The following DVL2 variants were observed in gnomAD, a reference collection of about 807,000 sequenced individuals.
DVL2 encodes dishevelled segment polarity protein 2, also known as segment polarity protein dishevelled homolog DVL-2.
In DVL2, 38 loss-of-function variants were observed where a neutral mutation model predicts 69.8. The ratio of observed to expected loss-of-function variants is 0.54; its 90% CI spans 0.42 to 0.71. The LOEUF is 0.71. DVL2 is among the 30% of genes least tolerant of loss of function. The pLI is 0.00. For synonymous variants in DVL2, 428 were observed against 392.4 expected (o/e 1.09, Z -1.07); for missense variants, 931 against 1,008.1 (o/e 0.92, Z 1.04).
intron 9 of DVL2, chr17:7,228,571 TTA>T (rs918236716): frequency 9.1e-5 from 19 of 209,384 alleles, no homozygotes; most frequent in African/African-American, 4.0e-4. Flanking sequence ...ACTTTGAACG[TTA>T]TGTCTTAGCA....
rs779025902 is a variant in DVL2, at chr17:7,227,671, T to C, written c.1215A>G (p.Gly405=). 3.7e-6 allele frequency: 6 copies of C among 1,613,922 alleles called. No individual in the cohort carries two copies. The African/African-American group carries it at 8.0e-5, about 22-fold the overall frequency. Residue 405 remains glycine (G), a synonymous_variant, in exon 11 of 15, where the codon GGA becomes GGG. Transcript: ENST00000005340. ...GCGGCTCACCATCAGGCAAAGACGATCCAGATGTAATGGTGCTCATGGAGG... is the reference window on the plus strand; with the variant it reads ...GCGGCTCACCATCAGGCAAAGACGACCCAGATGTAATGGTGCTCATGGAGG... ...GSSSMSTITS[G]SSLPDGCEGR... is the part of the protein sequence containing the mutation.
chr17:7,226,255 G>C lies in DVL2; in HGVS notation c.1821C>G (p.Pro607=), dbSNP rs749586116. 7 of 1,608,878 alleles carry C rather than the reference G, an allele frequency of 4.4e-6. No homozygotes were observed. In the Admixed American group the frequency reaches 1.2e-4, roughly 27 times the overall value. The change falls in exon 15 of 15, where the codon CCC becomes CCG. Residue 607 remains proline (P), a synonymous_variant. Transcript: ENST00000005340. The part of the protein sequence containing the change: ...SDGGAGRTGR[P]EERAPESKSG... Reference sequence around the variant, plus strand: ...ACTTGGACTCGGGGGCCCGCTCCTCGGGCCTCCCCGTGCGCCCTGCCCCCC... The same window carrying C: ...ACTTGGACTCGGGGGCCCGCTCCTCCGGCCTCCCCGTGCGCCCTGCCCCCC...
intron 13 of DVL2, 77 bp from the exon 14 acceptor site, chr17:7,226,716 T>C (rs972749353): frequency 3.0e-5 from 35 of 1,174,648 alleles, no homozygotes; most frequent in South Asian, 1.0e-4. Flanking sequence ...GGAGAGGAAC[T>C]GGGAACAGTT....
At position 7,234,273 on chromosome 17, in the gene DVL2, G is replaced by A; in HGVS notation, c.-11C>T. The A allele has an allele frequency of 6.5e-7, 1 of 1,534,924 alleles. No individual in the cohort carries two copies. Among genetic ancestry groups the A allele is most frequent in the Non-Finnish European group, 8.8e-7 (1 of 1,134,914 alleles). ...GCTGCTACCCGCCATGGTCTCGCCC[G>A]CGCGCTCCCGGGCTCCACCGCCCAC... On this transcript the variant is annotated 5_prime_UTR_variant, in exon 1 of 15. Transcript: ENST00000005340.
chr17:7,227,703 C>G lies in DVL2; in HGVS notation c.1183G>C (p.Gly395Arg). 6.2e-7 allele frequency: 1 copy of G among 1,612,814 alleles called. No homozygotes were observed. The highest frequency in any genetic ancestry group is 8.5e-7 in the Non-Finnish European group (1 of 1,179,376). The part of the protein sequence containing the change: ...ALTGTFPAYP[G>R]SSSMSTITSG... ...GTAATGGTGCTCATGGAGGAGGAAC[C>G]TGGATAGGCTGGGAAGGTGCCAGTC... The change falls in exon 11 of 15, where the codon GGT becomes CGT. Residue 395 changes from glycine to arginine, a missense_variant. By Grantham distance (125) the Gly-to-Arg change is moderately radical. Transcript: ENST00000005340.
chr17:7,233,836 A>C (rs1157674234), intron 1 of DVL2: 1 of 595,514 alleles, frequency 1.7e-6, no homozygotes, highest in Non-Finnish European at 3.0e-6. Flanking sequence ...TATTCCAGTA[A>C]AGCCTAATCT....
At chr17:7,227,807 T>C in intron 10 of DVL2, 24 bp from the exon 11 acceptor site, 1 of 1,559,052 alleles carries the variant, frequency 6.4e-7, no homozygotes, top group East Asian at 2.4e-5. Flanking sequence ...GGCACCAAAA[T>C]GACCCATTCT....
rs745415105 is a variant in DVL2 at position 7,229,829 on chromosome 17, T to A, written c.635A>T (p.Asp212Val). The A allele has an allele frequency of 6.8e-6, 11 of 1,612,182 alleles. No individual in the cohort carries two copies. The African/African-American group carries it at 1.5e-4, about 22-fold the overall frequency. ...ELESTSLGDS[D>V]EEDTMSRFSS... ...ACACCTGCTCATGGTGTCCTCCTCGTCCGAGTCCCCCAGGCTGGTACTCTC... is the reference window on the plus strand; with the variant it reads ...ACACCTGCTCATGGTGTCCTCCTCGACCGAGTCCCCCAGGCTGGTACTCTC... The change falls in exon 5 of 15, where the codon GAC (aspartate) becomes GTC (valine). Residue 212 changes from aspartate to valine, a missense_variant. Asp to Val is a radical substitution (Grantham distance 152, BLOSUM62 -3). Around this residue, in one of 3 missense-constraint regions of DVL2, gnomAD observed 555 missense variants for 588.8 expected, o/e 0.94. Coordinates refer to ENST00000005340, the MANE Select transcript of DVL2 (RefSeq NM_004422.3). The surrounding 1 kb of genome is among the most constrained non-coding windows in gnomAD (Gnocchi z 4.4).
rs201451263 is a variant in DVL2 at position 7,225,836 on chromosome 17, C to T, written c.*29G>A. The T allele has an allele frequency of 1.4e-5, 22 of 1,596,470 alleles. No individual in the cohort carries two copies. The highest frequency in any genetic ancestry group is 1.7e-4 in the Middle Eastern group (1 of 5,772). On this transcript the variant is annotated 3_prime_UTR_variant, in exon 15 of 15. Coordinates refer to ENST00000005340, the MANE Select transcript of DVL2 (RefSeq NM_004422.3). The stretch of plus-strand genomic sequence containing the variant: ...AGGACACCCAGTCACACACCAGGAG[C>T]GCCCGGCCCAGCCTGGCCCCACAGT...
At chr17:7,228,272 C>T (rs1259873195) in intron 9 of DVL2, 3 of 410,294 alleles carry the variant, frequency 7.3e-6, no homozygotes, top group Non-Finnish European at 1.3e-5. Context: ...ACACGCTGTA[C>T]AGTTCCATTC....
Position 7,234,473 on chromosome 17 carries a change from CCG to C in DVL2, c.-213_-212del. 1.8e-6 allele frequency: 1 copy of C among 559,420 alleles called. No individual in the cohort carries two copies. The highest frequency in any genetic ancestry group is 3.4e-5 in the East Asian group (1 of 29,512). 34.7% of individuals were successfully genotyped at this position (559,420 alleles called of 1,614,324 possible). ...CTCAAAGCCCCGGTCTCAGCGGCCG[CCG>C]CGCGCCACCGCCACCGACGCCGCGA... On this transcript the variant is annotated 5_prime_UTR_variant, in exon 1 of 15. Coordinates refer to ENST00000005340, the MANE Select transcript of DVL2 (RefSeq NM_004422.3).
chr17:7,230,550 A>C, intron 2 of DVL2, 120 bp from the exon 3 acceptor site: 1 of 1,410,190 alleles, frequency 7.1e-7, no homozygotes, highest in South Asian at 1.3e-5. Flanking sequence ...AAACCTAGCA[A>C]GTATTAGAGA....
intron 1 of DVL2, chr17:7,233,813 G>A: frequency 1.8e-6 from 1 of 568,926 alleles, no homozygotes; most frequent in East Asian, 3.0e-5. Context: ...ACATAAACCA[G>A]TATGCCCCCA....
chr17:7,230,692 TG>T, intron 2 of DVL2, 35 bp downstream of exon 2: 1 of 1,588,090 alleles, frequency 6.3e-7, no homozygotes. Flanking sequence ...TTGGCAATGC[TG>T]AGGGGGCCTG....
chr17:7,230,321 G>A lies in DVL2; in HGVS notation c.374C>T (p.Thr125Ile), dbSNP rs772512773. 6.2e-6 allele frequency: 10 copies of A among 1,614,032 alleles called. No homozygotes were observed. Among genetic ancestry groups the A allele is most frequent in the Non-Finnish European group, 7.6e-6 (9 of 1,180,034 alleles). ...PPLPPLPPER[T>I]SGIGDSRPPS... is the part of the protein sequence containing the mutation. Reference sequence around the variant, plus strand: ...AGGCCTTGAGTCCCCAATGCCGCTGGTCCTCTCGGGTGGCAAAGGAGGTAA... The same window carrying A: ...AGGCCTTGAGTCCCCAATGCCGCTGATCCTCTCGGGTGGCAAAGGAGGTAA... The change falls in exon 3 of 15, where the codon ACC (threonine) becomes ATC (isoleucine). Residue 125 changes from threonine (T) to isoleucine (I), a missense_variant. Thr to Ile is a moderately conservative substitution (Grantham distance 89). This residue lies in a region of DVL2 where 555 missense variants were observed against 588.8 expected (regional missense o/e 0.94). Transcript: ENST00000005340.
chr17:7,228,987 T>C lies in DVL2; in HGVS notation c.1016A>G (p.Asp339Gly). 6.2e-7 allele frequency: 1 copy of C among 1,614,108 alleles called. No individual in the cohort carries two copies. Among genetic ancestry groups the C allele is most frequent in the South Asian group, 1.1e-5 (1 of 91,084 alleles). ...SNDDAVRVLRDIVHKPGPIVL... is the reference protein window; with the variant it reads ...SNDDAVRVLRGIVHKPGPIVL... ...AACTCACCCAGGCTTGTGCACAATG[T>C]CCCTCAGCACCCGCACAGCGTCATC... is the stretch of plus-strand genomic sequence containing the variant. The change falls in exon 9 of 15, where the codon GAC becomes GGC. Residue 339 changes from aspartate to glycine, a missense_variant. Asp to Gly is a moderately conservative substitution (Grantham distance 94). Coordinates refer to ENST00000005340, the MANE Select transcript of DVL2 (RefSeq NM_004422.3).
chr17:7,231,488 C>T (rs1290682375), intron 1 of DVL2, among the ~76,000 whole-genome samples: 1 of 149,776 alleles, frequency 6.7e-6, no homozygotes, highest in Non-Finnish European at 1.5e-5. Flanking sequence ...AGGCTTTGGT[C>T]CTCATCAAAG....
At chr17:7,232,138 T>C (rs558559195) in intron 1 of DVL2, among the ~76,000 whole-genome samples, 1 of 152,316 alleles carries the variant, frequency 6.6e-6, no homozygotes, top group Admixed American at 6.5e-5. Flanking sequence ...GTCAACACCA[T>C]GTCCTAGCCA....
rs1464779934 is a variant in DVL2 at position 7,234,500 on chromosome 17, A to G, written c.-238T>C. The G allele has an allele frequency of 7.5e-6, 4 of 534,140 alleles. No homozygotes were observed. Among genetic ancestry groups the G allele is most frequent in the Non-Finnish European group, 1.3e-5 (4 of 308,148 alleles). 33.1% of individuals were successfully genotyped at this position (534,140 alleles called of 1,614,324 possible). A position where few individuals can be genotyped will look rare whatever the true frequency, so the allele number is the denominator to read the frequency against. ...GCGCGCCACCGCCACCGACGCCGCG[A>G]GCTTCCTCCAGGTACCCGCCCACCT... On this transcript the variant is annotated 5_prime_UTR_variant, in exon 1 of 15. Transcript: ENST00000005340.
Sources: gnomAD v4.1 joint callset for allele counts (sites outside exome capture counted in the v4.1 genomes callset) on GRCh38, gnomAD v4.1.1 for gene constraint, gnomAD v4.1.1 regional missense constraint, Gnocchi (gnomAD v3.1) non-coding constraint, MANE v1.5 for transcripts, NCBI Gene and HGNC (gene_info 2026-07-23, HGNC 2026-07-21) for gene names.